Variants in ADD2 observed in about 807,000 individuals in gnomAD.
ADD2 encodes beta-adducin.
ADD2 carries 23 observed loss-of-function variants against 83.0 expected under a neutral mutation model. The observed-to-expected ratio is 0.28, with a 90% confidence interval of 0.20 to 0.39. The LOEUF is 0.39. Among genes scored for constraint, ADD2 ranks in the 10% least tolerant of loss-of-function variants. The pLI is 1.00. For missense variants in ADD2, 758 were observed against 944.9 expected (o/e 0.80, Z 2.59); for synonymous variants, 375 against 375.4 (o/e 1.00, Z 0.01).
intron 9 of ADD2, among the ~76,000 whole-genome samples, chr2:70,684,126 T>C (rs1341857031): frequency 6.6e-6 from 1 of 152,200 alleles, no homozygotes; most frequent in Non-Finnish European, 1.5e-5. Context: ...TCAGTTCTTG[T>C]TTGTAATATT....
chr2:70,697,068 A>G (rs1407780415), intron 4 of ADD2, among the ~76,000 whole-genome samples: 1 of 152,222 alleles, frequency 6.6e-6, no homozygotes, highest in Non-Finnish European at 1.5e-5. Flanking sequence ...CTGAGGCAGG[A>G]GAATCGTTTG....
chr2:70,701,699 T>C (rs917188978), intron 4 of ADD2, among the ~76,000 whole-genome samples: 1 of 152,248 alleles, frequency 6.6e-6, no homozygotes, highest in East Asian at 1.9e-4. Context: ...CACACACTTA[T>C]ATGTATATAT....
At chr2:70,734,127 G>T (rs1378264506) in intron 1 of ADD2, among the ~76,000 whole-genome samples, 2 of 152,138 alleles carry the variant, frequency 1.3e-5, no homozygotes, top group African/African-American at 4.8e-5. Context: ...TGGAGTTGGG[G>T]GCTCTATTAA....
intron 1 of ADD2, among the ~76,000 whole-genome samples, chr2:70,753,380 G>C (rs1674610527): frequency 6.6e-6 from 1 of 152,092 alleles, no homozygotes; most frequent in Non-Finnish European, 1.5e-5. Flanking sequence ...CAGAGCAAAG[G>C]CAACTCTTTC....
chr2:70,697,141 C>A (rs548657217), intron 4 of ADD2, among the ~76,000 whole-genome samples: 1 of 152,320 alleles, frequency 6.6e-6, no homozygotes, highest in South Asian at 2.1e-4. Flanking sequence ...AGCGAGACTC[C>A]GTCCCCCACA....
chr2:70,674,078 G>A (rs1553367712), intron 14 of ADD2, among the ~76,000 whole-genome samples: 1 of 152,180 alleles, frequency 6.6e-6, no homozygotes, highest in African/African-American at 2.4e-5. Flanking sequence ...GCTCAATTTG[G>A]GTGGAGTAGA....
intron 14 of ADD2, chr2:70,673,466 A>G: frequency 6.1e-6 from 4 of 655,318 alleles, no homozygotes; most frequent in Non-Finnish European, 1.1e-5. Flanking sequence ...CTTTGCATGT[A>G]ACTATTGTTT....
At chr2:70,745,424 G>A (rs1384895439) in intron 1 of ADD2, among the ~76,000 whole-genome samples, 1 of 152,212 alleles carries the variant, frequency 6.6e-6, no homozygotes, top group African/African-American at 2.4e-5. Context: ...CAGAATCAGA[G>A]GAGAGGGAAC....
chr2:70,724,653 T>C (rs1553377910), intron 1 of ADD2, among the ~76,000 whole-genome samples: 2 of 152,226 alleles, frequency 1.3e-5, no homozygotes, highest in Non-Finnish European at 2.9e-5. Flanking sequence ...GGATTCTCCT[T>C]GACTTGGGCC....
intron 1 of ADD2, among the ~76,000 whole-genome samples, chr2:70,762,285 A>G (rs1398125339): frequency 6.6e-6 from 1 of 151,864 alleles, no homozygotes; most frequent in East Asian, 1.9e-4. Flanking sequence ...GGAAATGGAA[A>G]CAGAAAGAAG....
intron 1 of ADD2, among the ~76,000 whole-genome samples, chr2:70,745,291 A>T (rs1236425433): frequency 2.7e-5 from 4 of 149,078 alleles, no homozygotes; most frequent in South Asian, 4.3e-4. Context: ...GTCTCAAAAT[A>T]AAAAAAAAAG....
chr2:70,677,980 G>T (rs1257074723), intron 11 of ADD2, 103 bp from the exon 12 acceptor site: 11 of 1,490,746 alleles, frequency 7.4e-6, no homozygotes, highest in Non-Finnish European at 1.0e-5. Flanking sequence ...TGCATGGAAG[G>T]TCAGCAAGCC....
chr2:70,734,542 G>T (rs1425427086), intron 1 of ADD2, among the ~76,000 whole-genome samples: 1 of 152,188 alleles, frequency 6.6e-6, no homozygotes, highest in African/African-American at 2.4e-5. Flanking sequence ...TCTGGAAGGA[G>T]GGAAGAGAAG....
chr2:70,750,239 T>C (rs535490077), intron 1 of ADD2, among the ~76,000 whole-genome samples: 5 of 152,300 alleles, frequency 3.3e-5, no homozygotes, highest in Admixed American at 2.0e-4. Flanking sequence ...TTTTTCTTTC[T>C]CTCAACCAGG....
At chr2:70,739,179 T>G (rs1202522956) in intron 1 of ADD2, among the ~76,000 whole-genome samples, 1 of 152,038 alleles carries the variant, frequency 6.6e-6, no homozygotes, top group Non-Finnish European at 1.5e-5. Context: ...ATAAGGAACT[T>G]AAACAAATTT....
At chr2:70,749,908 C>A (rs1674421981) in intron 1 of ADD2, among the ~76,000 whole-genome samples, 1 of 152,218 alleles carries the variant, frequency 6.6e-6, no homozygotes, top group African/African-American at 2.4e-5. Flanking sequence ...TTTGGCTAAG[C>A]CACTACGGCT....
chr2:70,709,692 G>A lies in ADD2; in HGVS notation c.-34-3250C>T, dbSNP rs560284821. Among the ~76,000 whole-genome samples, 37 of 152,282 alleles carry A rather than the reference G, an allele frequency of 2.4e-4. No individual in the cohort carries two copies. In the East Asian group the frequency reaches 5.8e-3, roughly 24 times the overall value. ...ACAGATACATTCGTGTAATAAAGGC[G>A]GAAGCATGGAGGATCTGGGTTTCCT... is the stretch of plus-strand genomic sequence containing the variant. On this transcript the variant is annotated intron_variant, in intron 2 of 15. Coordinates refer to ENST00000264436, the MANE Select transcript of ADD2 (RefSeq NM_001617.4).
Position 70,657,940 on chromosome 2 carries a change from A to G in ADD2, c.*5485T>C, listed in dbSNP as rs1449693402. On this transcript the variant is annotated 3_prime_UTR_variant, in exon 16 of 16. Coordinates refer to ENST00000264436, the MANE Select transcript of ADD2 (RefSeq NM_001617.4). ...CTGCCTGAACCCCTTCCCTGCACCA[A>G]TAATGATCATTTCTCCCCCATCTGC... The G allele has an allele frequency of 6.6e-6, 1 of 152,142 alleles. No individual in the cohort carries two copies. Among genetic ancestry groups the G allele is most frequent in the Admixed American group, 6.5e-5 (1 of 15,272 alleles). The allele number at this position is 152,142 out of a possible 1,614,324, so 9.4% of individuals were successfully genotyped here.
At position 70,704,419 on chromosome 2, in the gene ADD2, A is replaced by G. The variant is rs1274336580; in HGVS notation, c.224T>C (p.Met75Thr). Residue 75 changes from methionine to threonine, a missense_variant, in exon 4 of 16, where the codon ATG becomes ACG. Met to Thr is a moderately conservative substitution (Grantham distance 81, BLOSUM62 -1). Coordinates refer to ENST00000264436, the MANE Select transcript of ADD2 (RefSeq NM_001617.4). The part of the protein sequence containing the change: ...EELEGLIQEQ[M>T]KKGNNSSNIW... ...GTTGGAGGAGTTGTTCCCCTTCTTC[A>G]TCTGCTCCTGGATGAGGCCTTCCAG... 2 of 1,614,050 alleles carry G rather than the reference A, an allele frequency of 1.2e-6. No homozygotes were observed. Among genetic ancestry groups the G allele is most frequent in the Non-Finnish European group, 1.7e-6 (2 of 1,180,012 alleles).
Sources: gnomAD v4.1 joint callset for allele counts (sites outside exome capture counted in the v4.1 genomes callset) on GRCh38, gnomAD v4.1.1 for gene constraint, MANE v1.5 for transcripts, NCBI Gene and HGNC (gene_info 2026-07-23, HGNC 2026-07-21) for gene names.